The following ACYP2 variants were observed in gnomAD, a reference collection of about 807,000 sequenced individuals.
The protein encoded by ACYP2 is acylphosphatase 2, also known as acylphosphatase-2.
In ACYP2, 12 loss-of-function variants were observed where a neutral mutation model predicts 11.2. The observed-to-expected ratio is 1.08, with a 90% CI of 0.69 to 1.74. The LOEUF is 1.74. Among genes scored for constraint, ACYP2 ranks in the 40% most tolerant of loss-of-function variants. ACYP2 has a pLI of 0.00. For synonymous variants in ACYP2, 43 were observed against 32.2 expected (o/e 1.33, Z -1.13); for missense variants, 134 against 101.9 (o/e 1.31, Z -1.35).
At chr2:54,137,048 A>G (rs1681288161) in intron 5 of ACYP2, among the ~76,000 whole-genome samples, 2 of 152,308 alleles carry the variant, frequency 1.3e-5, no homozygotes, top group African/African-American at 4.8e-5. Context: ...AAATAATTCA[A>G]AATCAAAATG....
At chr2:54,064,281 G>A (rs1396769386) in intron 4 of ACYP2, among the ~76,000 whole-genome samples, 1 of 152,122 alleles carries the variant, frequency 6.6e-6, no homozygotes, top group Non-Finnish European at 1.5e-5. Context: ...GTTAGGTGTG[G>A]GTGCAGGACC....
At chr2:54,216,291 G>A (rs948263906) in intron 6 of ACYP2, among the ~76,000 whole-genome samples, 3 of 152,118 alleles carry the variant, frequency 2.0e-5, no homozygotes, top group African/African-American at 7.2e-5. Flanking sequence ...TTCAGTTGAT[G>A]TCTGGTTGAG....
intron 4 of ACYP2, among the ~76,000 whole-genome samples, chr2:54,097,474 A>C (rs1289852647): frequency 6.6e-6 from 1 of 152,240 alleles, no homozygotes; most frequent in Admixed American, 6.5e-5. Context: ...CCTCAGAGGC[A>C]CCTGGTTACA....
intron 6 of ACYP2, among the ~76,000 whole-genome samples, chr2:54,140,782 T>TGCAGCA (rs1374044057): frequency 6.6e-6 from 1 of 152,196 alleles, no homozygotes. Context: ...TGTCTTGTTT[T>TGCAGCA]TTGCAATAAG....
At chr2:54,113,846 G>C (rs1679589723) in intron 4 of ACYP2, among the ~76,000 whole-genome samples, 1 of 151,954 alleles carries the variant, frequency 6.6e-6, no homozygotes, top group Admixed American at 6.6e-5. Context: ...TAAGCAGGTA[G>C]TGGAGGCTGA....
intron 6 of ACYP2, among the ~76,000 whole-genome samples, chr2:54,261,388 G>A (rs1020383981): frequency 1.3e-5 from 2 of 152,146 alleles, no homozygotes; most frequent in Non-Finnish European, 2.9e-5. Flanking sequence ...TGTGGAGAAA[G>A]AGGGAGAGGG....
At chr2:54,225,241 G>A (rs571618968) in intron 6 of ACYP2, among the ~76,000 whole-genome samples, 87 of 152,292 alleles carry the variant, frequency 5.7e-4, no homozygotes, top group African/African-American at 1.9e-3. Flanking sequence ...TAGCAGGGGT[G>A]AGCCAGGATA....
At chr2:54,255,596 C>A in intron 6 of ACYP2, 1 of 1,613,622 alleles carries the variant, frequency 6.2e-7, no homozygotes, top group Non-Finnish European at 8.5e-7. Flanking sequence ...GGCCCTGCCT[C>A]CCTGTTTACC....
At chr2:53,976,416 G>A (rs1417450057) in intron 2 of ACYP2, among the ~76,000 whole-genome samples, 1 of 152,012 alleles carries the variant, frequency 6.6e-6, no homozygotes, top group African/African-American at 2.4e-5. Flanking sequence ...TGTGTTGCCC[G>A]GGCAGGTCTT....
At chr2:54,119,350 C>A (rs1299723748) in intron 4 of ACYP2, among the ~76,000 whole-genome samples, 1 of 151,916 alleles carries the variant, frequency 6.6e-6, no homozygotes, top group Non-Finnish European at 1.5e-5. Flanking sequence ...AGCCACTAGC[C>A]TGGGCAACAG....
chr2:54,185,819 T>C (rs1402306693), intron 6 of ACYP2, among the ~76,000 whole-genome samples: 1 of 152,146 alleles, frequency 6.6e-6, no homozygotes, highest in Non-Finnish European at 1.5e-5. Context: ...GTCTTAGAGT[T>C]AGTGAGGGCC....
At chr2:53,992,842 A>AG (rs1039498166) in intron 2 of ACYP2, among the ~76,000 whole-genome samples, 2 of 151,798 alleles carry the variant, frequency 1.3e-5, no homozygotes. Context: ...AAAAAAAAAA[A>AG]AAAAAGTTTT....
chr2:54,293,792 G>A (rs1216607443), intron 6 of ACYP2, among the ~76,000 whole-genome samples: 1 of 152,134 alleles, frequency 6.6e-6, no homozygotes, highest in African/African-American at 2.4e-5. Flanking sequence ...GGATTTCCTG[G>A]ATAATCACTG....
At chr2:53,990,188 A>C (rs1006131526) in intron 2 of ACYP2, among the ~76,000 whole-genome samples, 1 of 151,852 alleles carries the variant, frequency 6.6e-6, no homozygotes, top group African/African-American at 2.4e-5. Context: ...CATGTTGGTC[A>C]GGCTGGTTTT....
intron 2 of ACYP2, among the ~76,000 whole-genome samples, chr2:54,037,471 C>T (rs144619699): frequency 6.6e-6 from 1 of 152,110 alleles, no homozygotes. Context: ...GGTGCAGTGG[C>T]ACAATCACGG....
chr2:54,198,004 ATTGTATTG>A (rs1684585149), intron 6 of ACYP2, among the ~76,000 whole-genome samples: 1 of 141,574 alleles, frequency 7.1e-6, no homozygotes, highest in Non-Finnish European at 1.5e-5. Flanking sequence ...ATTGTATTGT[ATTGTATTG>A]TATTGTATTG....
At chr2:53,975,295 T>A in intron 2 of ACYP2, 2 of 398,184 alleles carry the variant, frequency 5.0e-6, no homozygotes, top group Non-Finnish European at 8.8e-6. Context: ...ACATCTGAAC[T>A]GGAAAAGTTG....
At chr2:54,275,290 A>G (rs1228165006) in intron 6 of ACYP2, among the ~76,000 whole-genome samples, 1 of 152,222 alleles carries the variant, frequency 6.6e-6, no homozygotes, top group Non-Finnish European at 1.5e-5. Flanking sequence ...AAATCTGAGT[A>G]TACTTTTCCA....
intron 4 of ACYP2, among the ~76,000 whole-genome samples, chr2:54,111,862 G>A (rs1170545886): frequency 1.3e-5 from 2 of 152,136 alleles, no homozygotes; most frequent in East Asian, 1.9e-4. Context: ...TCAAATTTCT[G>A]AGAAATAACT....
Sources: gnomAD v4.1 joint callset for allele counts (sites outside exome capture counted in the v4.1 genomes callset) on GRCh38, gnomAD v4.1.1 for gene constraint, MANE v1.5 for transcripts, NCBI Gene and HGNC (gene_info 2026-07-23, HGNC 2026-07-21) for gene names.